The following LPA variants were observed in gnomAD, a reference collection of about 807,000 sequenced individuals.
LPA encodes the protein lipoprotein(a), also known as apolipoprotein(a).
LPA carries 199 observed loss-of-function variants against 197.9 expected under a neutral mutation model. That is an observed-to-expected ratio of 1.01 (90% confidence interval 0.90 to 1.13). The LOEUF is 1.13. Ranked by LOEUF, LPA falls within the 50% of genes most tolerant of loss-of-function variation. The pLI is 0.00. For synonymous variants in LPA, 715 were observed against 639.5 expected, an observed-to-expected ratio of 1.12 and a Z score of -1.78; for missense variants, 1,853 against 1,785.8, an observed-to-expected ratio of 1.04 and a Z score of -0.68.
Position 160,564,536 on chromosome 6 carries a change from C to T in LPA, c.4632-6965G>A, listed in dbSNP as rs1301688507. Among the ~76,000 whole-genome samples the T allele has an allele frequency of 2.6e-5, 4 of 152,196 alleles. No homozygotes were observed. The East Asian group carries it at 7.7e-4, about 29-fold the overall frequency. On this transcript the variant is annotated intron_variant, in intron 28 of 38. Transcript: ENST00000316300. ...TGTGATCGTGAGAGAGGGGAGGTTTCAAGATGGCCGAATAGGAACAGCTCC... is the reference window on the plus strand; with the variant it reads ...TGTGATCGTGAGAGAGGGGAGGTTTTAAGATGGCCGAATAGGAACAGCTCC...
At chr6:160,654,004 AATATATATTAT>A (rs1562354712) in intron 1 of LPA, among the ~76,000 whole-genome samples, 3 of 5,896 alleles carry the variant, frequency 5.1e-4, no homozygotes, top group Non-Finnish European at 1.1e-3. Context: ...TATTATATAT[AATATATATTAT>A]ATATAATATA....
intron 19 of LPA, 149 bp from the exon 20 acceptor site, chr6:160,599,808 C>T (rs1779203968): frequency 2.6e-6 from 2 of 775,842 alleles, no homozygotes; most frequent in South Asian, 3.3e-5. Flanking sequence ...TGAGAAAACA[C>T]ACAAACAAAC....
intron 37 of LPA, among the ~76,000 whole-genome samples, chr6:160,533,203 A>G (rs918551920): frequency 2.0e-5 from 3 of 152,212 alleles, no homozygotes; most frequent in African/African-American, 7.2e-5. Context: ...GTTGCACACC[A>G]TTGTGAATGT....
intron 1 of LPA, among the ~76,000 whole-genome samples, chr6:160,655,311 A>C (rs1169841894): frequency 6.6e-6 from 1 of 152,126 alleles, no homozygotes; most frequent in Non-Finnish European, 1.5e-5. Context: ...ACTGTGATTC[A>C]CCTATGGGGG....
chr6:160,589,337 G>A (rs1394717771), intron 24 of LPA, among the ~76,000 whole-genome samples: 1 of 152,194 alleles, frequency 6.6e-6, no homozygotes, highest in African/African-American at 2.4e-5. Context: ...CCACCTCCAA[G>A]TATCCTCCTA....
chr6:160,656,179 G>A (rs902732117), intron 1 of LPA, among the ~76,000 whole-genome samples: 2 of 152,230 alleles, frequency 1.3e-5, no homozygotes, highest in Non-Finnish European at 2.9e-5. Flanking sequence ...GAACAGGGAT[G>A]TGGTGGGAAT....
At chr6:160,592,014 A>G (rs1779039757) in intron 22 of LPA, among the ~76,000 whole-genome samples, 1 of 152,188 alleles carries the variant, frequency 6.6e-6, no homozygotes, top group African/African-American at 2.4e-5. Context: ...CTCTTTAAAA[A>G]TCTATACCTG....
At position 160,568,951 on chromosome 6, in the gene LPA, A is replaced by G. The variant is rs189282589; in HGVS notation, c.4631+8185T>C. 3.9e-5 allele frequency among the ~76,000 whole-genome samples: 6 copies of G among 152,318 alleles called. No homozygotes were observed. The East Asian group carries it at 1.2e-3, about 29-fold the overall frequency. ...GGATGGGAAGGACCTCTTCAAGGAG[A>G]ACTACAAACCACTGCTTAATGAAAT... On this transcript the variant is annotated intron_variant, in intron 28 of 38. Transcript: ENST00000316300.
At chr6:160,600,852 G>C in intron 19 of LPA, 65 bp downstream of exon 19, 1 of 1,553,244 alleles carries the variant, frequency 6.4e-7, no homozygotes, top group South Asian at 1.1e-5. Context: ...TTGTGCGTCA[G>C]TGGGGGTATC....
chr6:160,607,693 C>G (rs1450427978), intron 16 of LPA, among the ~76,000 whole-genome samples: 1 of 151,948 alleles, frequency 6.6e-6, no homozygotes, highest in Non-Finnish European at 1.5e-5. Context: ...GGATGAAACA[C>G]TGTCTCTCTA....
chr6:160,586,095 T>G (rs1381728606), intron 25 of LPA, among the ~76,000 whole-genome samples: 1 of 152,202 alleles, frequency 6.6e-6, no homozygotes, highest in Non-Finnish European at 1.5e-5. Context: ...ACTGCCTACT[T>G]GAAGAAAGGG....
Position 160,591,166 on chromosome 6 carries a change from T to C in LPA, c.3630-65A>G, listed in dbSNP as rs41272066. The C allele has an allele frequency of 2.8e-3, 4,460 of 1,595,200 alleles. 116 individuals are homozygous for C. In the African/African-American group the frequency reaches 0.054, roughly 19 times the overall value. ...GAAGATACAAGGGCACCAGACATCC[T>C]CTACATTTTGTTGTAACAAAGTGGT... is the stretch of plus-strand genomic sequence containing the variant. On this transcript the variant is annotated intron_variant, in intron 22 of 38. Coordinates refer to ENST00000316300, the MANE Select transcript of LPA (RefSeq NM_005577.4).
At chr6:160,586,080 T>C (rs567412275) in intron 25 of LPA, among the ~76,000 whole-genome samples, 1 of 152,304 alleles carries the variant, frequency 6.6e-6, no homozygotes, top group South Asian at 2.1e-4. Context: ...AAGACTGCAA[T>C]AAACACTGCC....
At chr6:160,562,674 T>A (rs1338579892) in intron 28 of LPA, among the ~76,000 whole-genome samples, 1 of 151,900 alleles carries the variant, frequency 6.6e-6, no homozygotes, top group African/African-American at 2.4e-5. Context: ...TCTGTTAGGA[T>A]TTGACTGTTA....
intron 30 of LPA, among the ~76,000 whole-genome samples, chr6:160,554,617 C>T (rs1028581669): frequency 6.6e-6 from 1 of 152,084 alleles, no homozygotes. Flanking sequence ...ACCCCGGTAT[C>T]CCCCAGTGCT....
At chr6:160,608,823 G>A (rs1314392342) in intron 16 of LPA, among the ~76,000 whole-genome samples, 1 of 150,942 alleles carries the variant, frequency 6.6e-6, no homozygotes, top group Non-Finnish European at 1.5e-5. Context: ...TGAGGGTTGT[G>A]TGTGTGTGTG....
intron 28 of LPA, among the ~76,000 whole-genome samples, chr6:160,560,477 C>T (rs759953403): frequency 1.3e-5 from 2 of 152,280 alleles, no homozygotes; most frequent in East Asian, 1.9e-4. Flanking sequence ...TTTTAATGAT[C>T]GCCATTCTAA....
rs552679738 is a variant in LPA, at chr6:160,540,125, C to A, written c.5653G>T (p.Glu1885Ter). The change falls in exon 36 of 39, where the codon GAA (glutamate) becomes TAA (stop). Residue 1885 changes from glutamate to a stop codon, truncating the protein, a stop_gained. Coordinates refer to ENST00000316300, the MANE Select transcript of LPA (RefSeq NM_005577.4). LOFTEE classifies it high-confidence loss of function. ...ILGAHQEVNL[E>*]SHVQEIEVSR... ...ACTTCTATTTCCTGAACATGAGATT[C>A]GAGGTTCACTTCTTGGTGTGCACCC... 1.2e-6 allele frequency: 2 copies of A among 1,614,062 alleles called. No homozygotes were observed. The highest frequency in any genetic ancestry group is 3.3e-5 in the Admixed American group (2 of 60,024).
chr6:160,650,290 A>T lies in LPA; in HGVS notation c.209+48T>A, dbSNP rs1486550570. 6.9e-6 allele frequency: 11 copies of T among 1,605,576 alleles called. No individual in the cohort carries two copies. In the Admixed American group the frequency reaches 1.8e-4, roughly 27 times the overall value. ...GCTTGACGCACACCTTTTCTAAGAC[A>T]AATTTTACTTGGACCTTGTTTTGCT... On this transcript the variant is annotated intron_variant, in intron 2 of 38. Coordinates refer to ENST00000316300, the MANE Select transcript of LPA (RefSeq NM_005577.4).
Sources: gnomAD v4.1 joint callset for allele counts (sites outside exome capture counted in the v4.1 genomes callset) on GRCh38, gnomAD v4.1.1 for gene constraint, MANE v1.5 for transcripts, NCBI Gene and HGNC (gene_info 2026-07-23, HGNC 2026-07-21) for gene names.